The following LSAMP variants were observed in gnomAD, a reference collection of about 807,000 sequenced individuals.
LSAMP encodes limbic system associated membrane protein, also known as limbic system-associated membrane protein.
LSAMP carries 7 observed loss-of-function variants against 38.6 expected under a neutral mutation model. The ratio of observed to expected loss-of-function variants is 0.18; its 90% CI spans 0.10 to 0.34. LSAMP has a LOEUF of 0.34. Ranked by LOEUF, LSAMP falls within the 10% of genes least tolerant of loss-of-function variation. LSAMP has a pLI of 1.00. For synonymous variants in LSAMP, 154 were observed against 166.8 expected, an observed-to-expected ratio of 0.92 and a Z score of 0.59; for missense variants, 313 against 420.0, an observed-to-expected ratio of 0.75 and a Z score of 2.23.
chr3:115,820,024 T>C (rs1934177734), intron 6 of LSAMP, among the ~76,000 whole-genome samples: 1 of 97,180 alleles, frequency 1.0e-5, no homozygotes, highest in Non-Finnish European at 2.5e-5. Flanking sequence ...AATAAACACT[T>C]TTTTTTTTTT....
Position 116,445,008 on chromosome 3 carries a change from A to G in LSAMP, c.24T>C (p.Asp8=). The G allele has an allele frequency of 6.2e-7, 1 of 1,613,980 alleles. No individual in the cohort carries two copies. The highest frequency in any genetic ancestry group is 8.5e-7 in the Non-Finnish European group (1 of 1,179,930). The change falls in exon 1 of 7, where the codon GAT becomes GAC. Residue 8 remains aspartate, a synonymous_variant. Transcript: ENST00000490035. The part of the protein sequence containing the change: MVRRVQP[D]RKQLPLVLLR... ...GTAGGACCAGTGGCAACTGTTTCCG[A>G]TCCGGCTGAACTCTCCTGACCATGG...
intron 1 of LSAMP, among the ~76,000 whole-genome samples, chr3:116,309,251 T>G (rs2047524733): frequency 6.6e-6 from 1 of 152,100 alleles, no homozygotes; most frequent in Middle Eastern, 3.2e-3. Context: ...GAGGCACAGC[T>G]AGGTCTAAGT....
chr3:116,200,064 T>C lies in LSAMP; in HGVS notation c.156-113508A>G, dbSNP rs2045969049. Among the ~76,000 whole-genome samples, 3 of 148,304 alleles carry C rather than the reference T, an allele frequency of 2.0e-5. No individual in the cohort carries two copies. In the Admixed American group the frequency reaches 2.1e-4, roughly 10 times the overall value. On this transcript the variant is annotated intron_variant, in intron 1 of 6. Coordinates refer to ENST00000490035, the MANE Select transcript of LSAMP (RefSeq NM_002338.5). The stretch of plus-strand genomic sequence containing the variant: ...TCAAAAAATGGGGAGAAAGGTACCT[T>C]ACAGTTTTACTGTTTTTCAGTCTTA...
intron 1 of LSAMP, among the ~76,000 whole-genome samples, chr3:116,133,244 T>C (rs1424539431): frequency 6.6e-6 from 1 of 152,092 alleles, no homozygotes; most frequent in Non-Finnish European, 1.5e-5. Flanking sequence ...ACATTTACTT[T>C]TTTTTCCTTT....
At chr3:116,334,685 C>A (rs920254646) in intron 1 of LSAMP, among the ~76,000 whole-genome samples, 9 of 151,924 alleles carry the variant, frequency 5.9e-5, no homozygotes, top group African/African-American at 2.2e-4. Flanking sequence ...TGATAGTTTA[C>A]AAAATTGAAC....
At chr3:116,131,778 CAGAG>C (rs149360106) in intron 1 of LSAMP, among the ~76,000 whole-genome samples, 2 of 151,634 alleles carry the variant, frequency 1.3e-5, no homozygotes, top group Admixed American at 6.6e-5. Flanking sequence ...CAGTGTCAAA[CAGAG>C]AGAGAGACTG....
At chr3:116,208,398 G>A (rs1051531141) in intron 1 of LSAMP, among the ~76,000 whole-genome samples, 3 of 152,108 alleles carry the variant, frequency 2.0e-5, no homozygotes, top group Non-Finnish European at 4.4e-5. Flanking sequence ...TCTTCTCTCA[G>A]CTCATCAAAG....
At chr3:116,129,972 C>T (rs938046966) in intron 1 of LSAMP, among the ~76,000 whole-genome samples, 1 of 152,178 alleles carries the variant, frequency 6.6e-6, no homozygotes, top group African/African-American at 2.4e-5. Flanking sequence ...ATTCTGGACA[C>T]CAATTCCAGA....
intron 1 of LSAMP, among the ~76,000 whole-genome samples, chr3:116,311,792 A>G (rs914504884): frequency 6.6e-6 from 1 of 152,232 alleles, no homozygotes; most frequent in Non-Finnish European, 1.5e-5. Flanking sequence ...CAGTCATTGC[A>G]GTAGTAGAGA....
At chr3:116,119,377 G>A (rs1219584620) in intron 1 of LSAMP, among the ~76,000 whole-genome samples, 1 of 151,838 alleles carries the variant, frequency 6.6e-6, no homozygotes. Flanking sequence ...ATATGTATAT[G>A]TATGTTTACA....
In LSAMP at chr3:116,260,532, C is replaced by T. The variant is rs183069794; in HGVS notation, c.156-173976G>A. Among the ~76,000 whole-genome samples, 5 of 152,224 alleles carry T rather than the reference C, an allele frequency of 3.3e-5. No homozygotes were observed. The East Asian group carries it at 9.7e-4, about 29-fold the overall frequency. On this transcript the variant is annotated intron_variant, in intron 1 of 6. Transcript: ENST00000490035. ...TACACAGGGTTTCTAATAATTTCTT[C>T]AAGTTCTCAGTGCATAATCTTTGGA...
rs565502176 is a variant in LSAMP, at chr3:116,144,852, A to G, written c.156-58296T>C. On this transcript the variant is annotated intron_variant, in intron 1 of 6. Coordinates refer to ENST00000490035, the MANE Select transcript of LSAMP (RefSeq NM_002338.5). ...GACTATAGTTTAAAATTTTTTCTAT[A>G]TCTATTCACATACAAACACATAGGC... Among the ~76,000 whole-genome samples the G allele has an allele frequency of 2.2e-4, 33 of 151,956 alleles. No homozygotes were observed. The East Asian group carries it at 4.7e-3, about 21-fold the overall frequency.
chr3:116,079,689 A>G (rs2107406333), intron 2 of LSAMP, among the ~76,000 whole-genome samples: 1 of 151,872 alleles, frequency 6.6e-6, no homozygotes, highest in East Asian at 1.9e-4. Context: ...GTATACTTAA[A>G]TTGTTTTTCA....
At chr3:116,070,576 T>C (rs1346615361) in intron 2 of LSAMP, among the ~76,000 whole-genome samples, 3 of 152,208 alleles carry the variant, frequency 2.0e-5, no homozygotes, top group Non-Finnish European at 4.4e-5. Context: ...AGTGTTCTTT[T>C]TTAAAATTTA....
intron 1 of LSAMP, among the ~76,000 whole-genome samples, chr3:116,423,136 A>G (rs2049151114): frequency 6.6e-6 from 1 of 152,258 alleles, no homozygotes; most frequent in East Asian, 1.9e-4. Flanking sequence ...CAAATAGCTG[A>G]GTAAATAGAT....
At chr3:116,162,406 T>G (rs2107540177) in intron 1 of LSAMP, among the ~76,000 whole-genome samples, 1 of 152,288 alleles carries the variant, frequency 6.6e-6, no homozygotes, top group Admixed American at 6.5e-5. Flanking sequence ...CCAACACCTC[T>G]AAATCTTTTT....
chr3:116,003,284 CCT>C (rs1040117274), intron 3 of LSAMP, among the ~76,000 whole-genome samples: 11 of 152,260 alleles, frequency 7.2e-5, no homozygotes, highest in African/African-American at 2.6e-4. Context: ...TTACGTATTT[CCT>C]CTGTTTATCT....
chr3:115,924,667 C>A (rs1279840051), intron 3 of LSAMP, among the ~76,000 whole-genome samples: 2 of 152,154 alleles, frequency 1.3e-5, no homozygotes, highest in African/African-American at 4.8e-5. Context: ...TGTTGTCCTG[C>A]AGAATTCTTT....
chr3:116,191,608 G>T (rs116750514), intron 1 of LSAMP, among the ~76,000 whole-genome samples: 3,392 of 151,830 alleles, frequency 0.022, 60 homozygotes, highest in Middle Eastern at 0.068. Flanking sequence ...CAATTCAGCA[G>T]CTTGGTTTAG....
Sources: allele counts gnomAD v4.1 joint callset (sites outside exome capture counted in the v4.1 genomes callset), GRCh38; gene constraint gnomAD v4.1.1; transcripts MANE v1.5; gene names NCBI Gene and HGNC (gene_info 2026-07-23, HGNC 2026-07-21).